Variants in PTOV1 observed in about 807,000 individuals in gnomAD.
PTOV1 encodes prostate tumor-overexpressed gene 1 protein.
PTOV1 carries 20 observed loss-of-function variants against 58.0 expected under a neutral mutation model. That is an observed-to-expected ratio of 0.34 (90% CI 0.24 to 0.50). The LOEUF (loss-of-function observed/expected upper bound fraction) is 0.50. Ranked by LOEUF, PTOV1 falls within the 20% of genes least tolerant of loss-of-function variation. The pLI is 0.98. For synonymous variants in PTOV1, 335 were observed against 234.2 expected (o/e 1.43, Z -3.93); for missense variants, 593 against 565.4 (o/e 1.05, Z -0.50).
intron 10 of PTOV1, among the ~76,000 whole-genome samples, chr19:49,859,593 C>T (rs2074653665): frequency 6.6e-6 from 1 of 151,994 alleles, no homozygotes; most frequent in Non-Finnish European, 1.5e-5. Flanking sequence ...AAAAAGTTTC[C>T]TCAAGGAAAC....
At chr19:49,853,420 C>T (rs982072797) in intron 1 of PTOV1, among the ~76,000 whole-genome samples, 1 of 150,498 alleles carries the variant, frequency 6.6e-6, no homozygotes, top group Non-Finnish European at 1.5e-5. Flanking sequence ...CTTTGGGAGG[C>T]CGAGGCGGGC....
Position 49,860,018 on chromosome 19 carries a change from G to A in PTOV1, c.1074G>A (p.Ser358=), listed in dbSNP as rs199627370. The A allele has an allele frequency of 7.4e-5, 119 of 1,614,176 alleles. 1 individual carries two copies. Among genetic ancestry groups the A allele is most frequent in the Non-Finnish European group, 3.2e-5 (38 of 1,180,016 alleles). The change falls in exon 11 of 12, where the codon TCG becomes TCA. Residue 358 remains serine (S), a synonymous_variant. Transcript: ENST00000391842. Reference sequence around the variant, plus strand: ...GCGTGCACTTTTCCTACAAAGCATCGTGTGAGATCCGCGTGCTTATGCTCC... The same window carrying A: ...GCGTGCACTTTTCCTACAAAGCATCATGTGAGATCCGCGTGCTTATGCTCC...
At chr19:49,854,582 T>G (rs747328391) in intron 2 of PTOV1, 39 bp downstream of exon 2, 41 of 1,612,616 alleles carry the variant, frequency 2.5e-5, no homozygotes, top group Non-Finnish European at 3.3e-5. Context: ...TCCAGGGTCT[T>G]GTCTTGTCCC....
Position 49,854,546 on chromosome 19 carries a change from G to A in PTOV1, c.309+3G>A. 3.7e-6 allele frequency: 6 copies of A among 1,612,878 alleles called. No homozygotes were observed. Among genetic ancestry groups the A allele is most frequent in the Non-Finnish European group, 5.1e-6 (6 of 1,179,822 alleles). ...GCGGCGTCCTCGAGTGGCAGGAGGT[G>A]AGTCTCTGTGGGGCTGCGGCTGGCC... On this transcript the variant is annotated splice_donor_region_variant and intron_variant, in intron 2 of 11. Transcript: ENST00000391842.
intron 1 of PTOV1, 113 bp downstream of exon 1, chr19:49,851,612 C>T: frequency 1.9e-6 from 2 of 1,051,078 alleles, no homozygotes; most frequent in Non-Finnish European, 2.4e-6. Context: ...CCCCTGTGGC[C>T]CGAAGGGTGG....
intron 10 of PTOV1, chr19:49,859,192 T>G (rs1449870585): frequency 6.5e-6 from 1 of 153,104 alleles, no homozygotes; most frequent in African/African-American, 2.4e-5. Flanking sequence ...ATCCCGAAAC[T>G]ACCTTAAAAT....
At chr19:49,856,950 G>C (rs746492011) in intron 5 of PTOV1, 25 bp from the exon 6 acceptor site, 2 of 1,611,044 alleles carry the variant, frequency 1.2e-6, no homozygotes. Context: ...AGTGACCACA[G>C]GGTCCTGACC....
intron 4 of PTOV1, 40 bp downstream of exon 4, chr19:49,854,928 C>A: frequency 6.2e-7 from 1 of 1,603,120 alleles, no homozygotes; most frequent in Middle Eastern, 1.7e-4. Context: ...TCTGAGCACC[C>A]CCATGCCTGG....
At position 49,851,570 on chromosome 19, in the gene PTOV1, C is replaced by T. The variant is rs2074249283; in HGVS notation, c.171+71C>T. 4 of 1,051,306 alleles carry T rather than the reference C, an allele frequency of 3.8e-6. 1 individual carries two copies. The highest frequency in any genetic ancestry group is 4.8e-6 in the Non-Finnish European group (4 of 840,978). 65.1% of individuals were successfully genotyped at this position (1,051,306 alleles called of 1,614,324 possible). A position where few individuals can be genotyped will look rare whatever the true frequency, so the allele number is the denominator to read the frequency against. On this transcript the variant is annotated intron_variant, in intron 1 of 11. Transcript: ENST00000391842. ...CCCAGCCCCTATCCCGGGCTCACGC[C>T]TTTGTCCGCAGCCCCCGCCGCTCCG...
intron 10 of PTOV1, 178 bp downstream of exon 10, chr19:49,858,831 T>G (rs1654603725): frequency 3.4e-6 from 2 of 586,188 alleles, no homozygotes; most frequent in South Asian, 4.3e-5. Context: ...CGGCACTGGA[T>G]GGGGCACTGA....
At chr19:49,855,156 G>A (rs752763856) in intron 5 of PTOV1, 79 bp downstream of exon 5, 6 of 1,351,858 alleles carry the variant, frequency 4.4e-6, no homozygotes, top group Middle Eastern at 3.7e-4. Flanking sequence ...CAGTCCAGGC[G>A]GGGGTCGGGG....
At chr19:49,852,822 C>T (rs978379693) in intron 1 of PTOV1, 2 of 152,214 alleles carry the variant, frequency 1.3e-5, no homozygotes, top group African/African-American at 4.8e-5. Flanking sequence ...CTAGATACCT[C>T]AGGTCCCAGC....
rs750458538 is a variant in PTOV1, at chr19:49,857,740, C to T, written c.762C>T (p.Asn254=). 21 of 1,614,002 alleles carry T rather than the reference C, an allele frequency of 1.3e-5. 1 individual carries two copies. The South Asian group carries it at 2.1e-4, about 16-fold the overall frequency. Residue 254 remains asparagine, a synonymous_variant, in exon 7 of 12, where the codon AAC becomes AAT. Coordinates refer to ENST00000391842, the Ensembl canonical transcript of PTOV1. ...ACTCAGGCCCAGTCCAGATCGTCAA[C>T]AACAAGTTTCTGGCATGGAGTGGTG...
At position 49,857,281 on chromosome 19, in the gene PTOV1, C is replaced by T. The variant is rs548463567; in HGVS notation, c.714+151C>T. On this transcript the variant is annotated intron_variant, in intron 6 of 11. Transcript: ENST00000391842. ...GCCCGGAGGATGCCGGGCGGGTTCCCACCAGGGCTCCATGGAAAAGCGGCC... is the reference window on the plus strand; with the variant it reads ...GCCCGGAGGATGCCGGGCGGGTTCCTACCAGGGCTCCATGGAAAAGCGGCC... 8.9e-6 allele frequency: 10 copies of T among 1,121,544 alleles called. No individual in the cohort carries two copies. In the African/African-American group the frequency reaches 1.6e-4, roughly 18 times the overall value. 69.5% of individuals were successfully genotyped at this position (1,121,544 alleles called of 1,614,324 possible). A position where few individuals can be genotyped will look rare whatever the true frequency, so the allele number is the denominator to read the frequency against.
rs781688105 is a variant in PTOV1, at chr19:49,858,544, C to T, written c.937-5C>T. 1.3e-5 allele frequency: 21 copies of T among 1,590,308 alleles called. No homozygotes were observed. The highest frequency in any genetic ancestry group is 4.5e-5 in the South Asian group (4 of 88,106). ...AGAGCTGGGGGTCCCCTCGCTTCCC[C>T]GCAGACCACCCTAGTGCCGCTGTTC... On this transcript the variant is annotated splice_polypyrimidine_tract_variant and splice_region_variant and intron_variant, in intron 9 of 11. Coordinates refer to ENST00000391842, the Ensembl canonical transcript of PTOV1.
intron 1 of PTOV1, 45 bp from the exon 2 acceptor site, chr19:49,854,359 GCA>G (rs775740026): frequency 2.5e-6 from 4 of 1,575,832 alleles, no homozygotes; most frequent in Non-Finnish European, 3.5e-6. Flanking sequence ...GCCTGTCCTT[GCA>G]GGCCCCGGCC....
intron 1 of PTOV1, chr19:49,851,739 T>C (rs2074257945): frequency 1.8e-6 from 2 of 1,110,448 alleles, no homozygotes; most frequent in African/African-American, 1.7e-5. Context: ...GGCGGGCTCA[T>C]ATTACTGCTG....
At chr19:49,854,275 C>A in intron 1 of PTOV1, 131 bp from the exon 2 acceptor site, 2 of 1,238,492 alleles carry the variant, frequency 1.6e-6, no homozygotes, top group Non-Finnish European at 2.3e-6. Context: ...AGGGTTTGGA[C>A]ATGGCCCCGT....
At position 49,851,439 on chromosome 19, in the gene PTOV1, G is replaced by A; in HGVS notation, c.111G>A (p.Trp37Ter). Residue 37 changes from tryptophan to a stop codon, truncating the protein, a stop_gained, in exon 1 of 12, where the codon TGG becomes TGA. Transcript: ENST00000391842. LOFTEE classifies it high-confidence loss of function. The stretch of plus-strand genomic sequence containing the variant: ...TGCGCGCCGTCCGCTCGCGCTCCTG[G>A]CCTGCCAGCCCCCGAGGCCCGCAGC... The A allele has an allele frequency of 8.2e-7, 1 of 1,218,802 alleles. No homozygotes were observed. The highest frequency in any genetic ancestry group is 1.0e-6 in the Non-Finnish European group (1 of 979,958). 75.5% of individuals were successfully genotyped at this position (1,218,802 alleles called of 1,614,324 possible).
Sources: allele counts gnomAD v4.1 joint callset (sites outside exome capture counted in the v4.1 genomes callset), GRCh38; gene constraint gnomAD v4.1.1; transcripts MANE v1.5; gene names NCBI Gene and HGNC (gene_info 2026-07-23, HGNC 2026-07-21).